Variants in EPS15L1 observed in about 807,000 individuals in gnomAD.
The protein encoded by EPS15L1 is epidermal growth factor receptor pathway substrate 15 like 1.
A neutral mutation model predicts 117.1 loss-of-function variants in EPS15L1; 43 were observed. The observed-to-expected ratio is 0.37, with a 90% CI of 0.29 to 0.47. The LOEUF is 0.47. EPS15L1 is among the 20% of genes least tolerant of loss of function. The pLI is 0.99. For synonymous variants in EPS15L1, 459 were observed against 470.5 expected, an observed-to-expected ratio of 0.98 and a Z score of 0.32; for missense variants, 981 against 1,164.0, an observed-to-expected ratio of 0.84 and a Z score of 2.29.
Position 16,455,116 on chromosome 19 carries a change from C to T in EPS15L1, c.34-12897G>A, listed in dbSNP as rs566821993. On this transcript the variant is annotated intron_variant, in intron 1 of 23. Transcript: ENST00000455140. Reference sequence around the variant, plus strand: ...TGCACTCCAGCCTGGGCAACAAGAGCGAAACTCCATCTCAAAAAAAAAAAG... The same window carrying T: ...TGCACTCCAGCCTGGGCAACAAGAGTGAAACTCCATCTCAAAAAAAAAAAG... Among the ~76,000 whole-genome samples the T allele has an allele frequency of 5.3e-5, 8 of 150,872 alleles. No individual in the cohort carries two copies. The South Asian group carries it at 1.7e-3, about 31-fold the overall frequency.
At chr19:16,379,940 TC>T (rs1286094722) in intron 21 of EPS15L1, among the ~76,000 whole-genome samples, 2 of 151,926 alleles carry the variant, frequency 1.3e-5, no homozygotes, top group African/African-American at 4.8e-5. Flanking sequence ...CATCTAAGAC[TC>T]CAGTGTCTAG....
At position 16,434,479 on chromosome 19, in the gene EPS15L1, C is replaced by T. The variant is rs756472198; in HGVS notation, c.384G>A (p.Lys128=). ...TTTCAAAAATCCCATCAAATTTGGCCTTTTCTTCCACCTAGTTGGAAAGAA... is the reference window on the plus strand; with the variant it reads ...TTTCAAAAATCCCATCAAATTTGGCTTTTTCTTCCACCTAGTTGGAAAGAA... ...EAHWAVRVEE[K]AKFDGIFESL... Residue 128 remains lysine (K), a synonymous_variant, in exon 7 of 24, where the codon AAG becomes AAA. Transcript: ENST00000455140. The T allele has an allele frequency of 1.2e-6, 2 of 1,613,754 alleles. No homozygotes were observed. Among genetic ancestry groups the T allele is most frequent in the East Asian group, 4.5e-5 (2 of 44,896 alleles).
chr19:16,393,229 G>C (rs2092499864), intron 18 of EPS15L1, among the ~76,000 whole-genome samples: 1 of 151,856 alleles, frequency 6.6e-6, no homozygotes, highest in African/African-American at 2.4e-5. Context: ...GTCTCCTTTT[G>C]GGGGGATGAG....
rs575214432 is a variant in EPS15L1, at chr19:16,430,397, C to T, written c.499-1636G>A. 3.5e-4 allele frequency among the ~76,000 whole-genome samples: 54 copies of T among 152,338 alleles called. No individual in the cohort carries two copies. The South Asian group carries it at 0.011, about 31-fold the overall frequency. ...CCACAGTAGGACCTCATCCCTTCTC[C>T]ACCCTTCCACAACTGTGCAACCAAG... On this transcript the variant is annotated intron_variant, in intron 7 of 23. Transcript: ENST00000455140.
chr19:16,462,729 G>A (rs2093265452), intron 1 of EPS15L1, among the ~76,000 whole-genome samples: 1 of 152,140 alleles, frequency 6.6e-6, no homozygotes, highest in Non-Finnish European at 1.5e-5. Context: ...CAGAGAGGGG[G>A]CCAGGAAGCT....
At chr19:16,388,260 G>A (rs893593474) in intron 19 of EPS15L1, among the ~76,000 whole-genome samples, 16 of 152,052 alleles carry the variant, frequency 1.1e-4, no homozygotes, top group African/African-American at 2.4e-4. Flanking sequence ...GGCTGGTCTC[G>A]AACTCCTGGC....
intron 7 of EPS15L1, 68 bp downstream of exon 7, chr19:16,434,297 G>C (rs2092958039): frequency 1.3e-6 from 2 of 1,561,768 alleles, no homozygotes; most frequent in African/African-American, 1.4e-5. Flanking sequence ...CATGGGGAAA[G>C]AGAACAGTGG....
chr19:16,389,482 A>C (rs2092454893), intron 19 of EPS15L1, among the ~76,000 whole-genome samples: 5 of 152,166 alleles, frequency 3.3e-5, no homozygotes, highest in Admixed American at 3.3e-4. Context: ...ATGACAACAC[A>C]GTCGACCTGA....
chr19:16,416,493 C>T (rs2092759150), intron 12 of EPS15L1, among the ~76,000 whole-genome samples: 1 of 152,052 alleles, frequency 6.6e-6, no homozygotes, highest in Non-Finnish European at 1.5e-5. Flanking sequence ...AAAAAATTAG[C>T]CAGGCATGGT....
chr19:16,423,019 A>G, intron 9 of EPS15L1, among the ~76,000 whole-genome samples: 1 of 152,004 alleles, frequency 6.6e-6, no homozygotes, highest in Non-Finnish European at 1.5e-5. Flanking sequence ...CAACCCGAAG[A>G]TGTCCATAGG....
At chr19:16,396,737 T>C (rs2092544288) in intron 16 of EPS15L1, among the ~76,000 whole-genome samples, 2 of 152,082 alleles carry the variant, frequency 1.3e-5, no homozygotes, top group African/African-American at 2.4e-5. Context: ...ATCAAGAAAA[T>C]TGTAACGAGC....
chr19:16,417,926 G>T, intron 11 of EPS15L1, 22 bp downstream of exon 11: 1 of 1,606,524 alleles, frequency 6.2e-7, no homozygotes, highest in Non-Finnish European at 8.5e-7. Context: ...AATACCCCCA[G>T]GGCATGACCA....
intron 1 of EPS15L1, among the ~76,000 whole-genome samples, chr19:16,464,985 A>G (rs550761123): frequency 6.6e-6 from 1 of 152,092 alleles, no homozygotes; most frequent in East Asian, 1.9e-4. Flanking sequence ...AGGCTGAGGC[A>G]GTAGAATGGC....
chr19:16,383,010 A>G lies in EPS15L1; in HGVS notation c.2247+2119T>C, dbSNP rs968054406. The stretch of plus-strand genomic sequence containing the variant: ...CCACTTTCATTTCCCTTAGCATTTT[A>G]TTTATATCCACAATGTTGTTCTTGA... On this transcript the variant is annotated intron_variant, in intron 21 of 23. Coordinates refer to ENST00000455140, the MANE Select transcript of EPS15L1 (RefSeq NM_001258374.3). This position sits in a 1 kb window ranked among gnomAD's most constrained non-coding sequence, Gnocchi z 5.2. 1 of 152,024 alleles carries G rather than the reference A, an allele frequency of 6.6e-6. No homozygotes were observed. The highest frequency in any genetic ancestry group is 1.5e-5 in the Non-Finnish European group (1 of 68,006). The allele number at this position is 152,024 out of a possible 1,614,324, so 9.4% of individuals were successfully genotyped here.
chr19:16,409,247 A>G (rs58598075), intron 13 of EPS15L1, among the ~76,000 whole-genome samples: 5,010 of 152,238 alleles, frequency 0.033, 296 homozygotes, highest in African/African-American at 0.12. Flanking sequence ...AATTTTTTAA[A>G]GTAAAATAAT....
At chr19:16,393,050 T>C (rs1269991941) in intron 18 of EPS15L1, among the ~76,000 whole-genome samples, 1 of 148,764 alleles carries the variant, frequency 6.7e-6, no homozygotes, top group African/African-American at 2.5e-5. Flanking sequence ...TCTAAATAAA[T>C]AAATAAAATA....
At chr19:16,388,989 C>T (rs1210137360) in intron 19 of EPS15L1, among the ~76,000 whole-genome samples, 1 of 152,162 alleles carries the variant, frequency 6.6e-6, no homozygotes, top group African/African-American at 2.4e-5. Flanking sequence ...TGGCTCATGC[C>T]TGTAATTCTA....
At chr19:16,362,377 TAAA>T (rs369551491) in intron 22 of EPS15L1, among the ~76,000 whole-genome samples, 3 of 137,196 alleles carry the variant, frequency 2.2e-5, no homozygotes, top group African/African-American at 2.6e-5. Context: ...CTTCTAACAG[TAAA>T]AAAAAAAAAA....
intron 1 of EPS15L1, among the ~76,000 whole-genome samples, chr19:16,463,140 AC>A (rs2093269567): frequency 6.6e-6 from 1 of 151,996 alleles, no homozygotes; most frequent in Non-Finnish European, 1.5e-5. Flanking sequence ...CTTCTTTTTG[AC>A]TGTACCTAAA....
Sources: allele counts gnomAD v4.1 joint callset (sites outside exome capture counted in the v4.1 genomes callset), GRCh38; gene constraint gnomAD v4.1.1; non-coding constraint Gnocchi (gnomAD v3.1); transcripts MANE v1.5; gene names NCBI Gene and HGNC (gene_info 2026-07-23, HGNC 2026-07-21).